Variants in FAM168A observed in about 807,000 individuals in gnomAD.
FAM168A encodes family with sequence similarity 168 member A, also known as protein FAM168A.
Under a neutral mutation model 28.5 loss-of-function variants are expected in FAM168A, and 3 were observed. The observed-to-expected ratio is 0.11, with a 90% confidence interval of 0.05 to 0.27. The LOEUF is 0.27. Ranked by LOEUF, FAM168A falls within the 10% of genes least tolerant of loss-of-function variation. The probability of loss-of-function intolerance (pLI) is 1.00; values close to 1 mark genes in which losing one functional copy is unlikely to be tolerated. For missense variants in FAM168A, 222 were observed against 311.5 expected (o/e 0.71, Z 2.16); for synonymous variants, 122 against 124.2 (o/e 0.98, Z 0.12).
chr11:73,517,104 C>A (rs1386725632), intron 1 of FAM168A, among the ~76,000 whole-genome samples: 4 of 152,194 alleles, frequency 2.6e-5, no homozygotes, highest in Non-Finnish European at 5.9e-5. Context: ...TACATACTTG[C>A]AGTGGCACAA....
chr11:73,596,000 A>G (rs1225555864), intron 1 of FAM168A, among the ~76,000 whole-genome samples: 1 of 152,180 alleles, frequency 6.6e-6, no homozygotes, highest in Non-Finnish European at 1.5e-5. Flanking sequence ...CGGTGGTGCC[A>G]AGACTCATCT....
chr11:73,425,019 T>C, intron 3 of FAM168A: 3 of 1,527,914 alleles, frequency 2.0e-6, no homozygotes, highest in Non-Finnish European at 2.6e-6. Context: ...ATAGCTTTCC[T>C]ACCATAAGCT....
At chr11:73,553,617 C>T (rs1565295794) in intron 1 of FAM168A, among the ~76,000 whole-genome samples, 1 of 152,106 alleles carries the variant, frequency 6.6e-6, no homozygotes, top group Non-Finnish European at 1.5e-5. Flanking sequence ...GTCACTCTTT[C>T]ATTTAACAAA....
At chr11:73,498,672 C>T (rs1854942434) in intron 1 of FAM168A, among the ~76,000 whole-genome samples, 1 of 152,178 alleles carries the variant, frequency 6.6e-6, no homozygotes. Flanking sequence ...CTGTGTTTTT[C>T]CCCTGCTGGA....
intron 2 of FAM168A, among the ~76,000 whole-genome samples, chr11:73,434,809 A>G (rs375941364): frequency 2.0e-5 from 3 of 152,358 alleles, no homozygotes; most frequent in African/African-American, 7.2e-5. Context: ...AAGCGGGTAG[A>G]GAAGCATAGC....
chr11:73,447,808 C>G (rs1039188423), intron 2 of FAM168A, among the ~76,000 whole-genome samples: 6 of 151,988 alleles, frequency 3.9e-5, no homozygotes, highest in Non-Finnish European at 7.4e-5. Context: ...CATCAGCTAA[C>G]TACCATTTCC....
intron 2 of FAM168A, among the ~76,000 whole-genome samples, chr11:73,459,888 T>TC (rs1867612901): frequency 6.8e-6 from 1 of 146,860 alleles, no homozygotes; most frequent in East Asian, 2.0e-4. Context: ...AATTTTTTTT[T>TC]TTTTTTTTTT....
At chr11:73,512,854 G>A (rs531596615) in intron 1 of FAM168A, among the ~76,000 whole-genome samples, 13 of 152,286 alleles carry the variant, frequency 8.5e-5, no homozygotes, top group African/African-American at 3.1e-4. Flanking sequence ...AATTGCAGAT[G>A]TTCAATAATA....
chr11:73,572,776 A>C (rs1302291682), intron 1 of FAM168A, among the ~76,000 whole-genome samples: 1 of 151,568 alleles, frequency 6.6e-6, no homozygotes, highest in Non-Finnish European at 1.5e-5. Flanking sequence ...AAAACCAGAG[A>C]CCTTTGTTCA....
intron 1 of FAM168A, among the ~76,000 whole-genome samples, chr11:73,483,343 A>G (rs7119632): frequency 0.021 from 3,127 of 152,230 alleles, 116 homozygotes; most frequent in African/African-American, 0.071. Context: ...GTAATTACTG[A>G]GCCTAAAACG....
chr11:73,581,347 T>C (rs1466773889), intron 1 of FAM168A, among the ~76,000 whole-genome samples: 1 of 152,238 alleles, frequency 6.6e-6, no homozygotes, highest in Non-Finnish European at 1.5e-5. Context: ...AAACAGAATA[T>C]AATACTTGTA....
At chr11:73,477,062 C>G (rs1471582368) in intron 1 of FAM168A, among the ~76,000 whole-genome samples, 1 of 152,056 alleles carries the variant, frequency 6.6e-6, no homozygotes, top group East Asian at 1.9e-4. Flanking sequence ...ATGTTCTCTG[C>G]AGCAACATGG....
intron 1 of FAM168A, among the ~76,000 whole-genome samples, chr11:73,473,620 C>T (rs1331684311): frequency 6.6e-6 from 1 of 152,166 alleles, no homozygotes; most frequent in Non-Finnish European, 1.5e-5. Flanking sequence ...ACCATGCATG[C>T]TTGTGCCTCT....
At chr11:73,515,508 C>CAAAAAAA (rs61655633) in intron 1 of FAM168A, among the ~76,000 whole-genome samples, 6 of 66,496 alleles carry the variant, frequency 9.0e-5, no homozygotes, top group African/African-American at 2.3e-4. Context: ...AACTCTGTCT[C>CAAAAAAA]AAAAAAAAAA....
chr11:73,433,629 C>T (rs932666142), intron 2 of FAM168A, among the ~76,000 whole-genome samples: 3 of 152,066 alleles, frequency 2.0e-5, no homozygotes, highest in South Asian at 2.1e-4. Flanking sequence ...AACAATTCCT[C>T]ATGTAATTAC....
chr11:73,581,014 G>A lies in FAM168A; in HGVS notation c.-19+16909C>T, dbSNP rs558228378. 5.3e-5 allele frequency among the ~76,000 whole-genome samples: 8 copies of A among 152,314 alleles called. No homozygotes were observed. In the East Asian group the frequency reaches 1.5e-3, roughly 29 times the overall value. On this transcript the variant is annotated intron_variant, in intron 1 of 7. Transcript: ENST00000356467. ...CACCTGTCAAAAGAGCAGTGGTTCC[G>A]TTTCTAGATTGTGGATCTTCAGGTA... is the stretch of plus-strand genomic sequence containing the variant.
rs569039632 is a variant in FAM168A, at chr11:73,497,073, G to A, written c.-18-28581C>T. ...AAAGTCCAAATTTGATTTCTGCATC[G>A]AAAGCCCTGCGTGATCCCATCCCTT... On this transcript the variant is annotated intron_variant, in intron 1 of 7. Transcript: ENST00000356467. 1.8e-3 allele frequency among the ~76,000 whole-genome samples: 274 copies of A among 152,150 alleles called. 1 individual carries two copies. The highest frequency in any genetic ancestry group is 6.3e-3 in the African/African-American group (261 of 41,518).
rs1943469635 is a variant in FAM168A at position 73,528,182 on chromosome 11, A to G, written c.-18-59690T>C. Among the ~76,000 whole-genome samples, 5 of 152,336 alleles carry G rather than the reference A, an allele frequency of 3.3e-5. No homozygotes were observed. In the South Asian group the frequency reaches 1.0e-3, roughly 32 times the overall value. On this transcript the variant is annotated intron_variant, in intron 1 of 7. Coordinates refer to ENST00000356467, the MANE Select transcript of FAM168A (RefSeq NM_015159.3). ...ACAGAATCTCTCCCAGGCCATGTGC[A>G]ATACTCTTGTCAGAGGCGTTCGAAC...
At chr11:73,507,281 T>C (rs1351923416) in intron 1 of FAM168A, among the ~76,000 whole-genome samples, 1 of 152,218 alleles carries the variant, frequency 6.6e-6, no homozygotes, top group Non-Finnish European at 1.5e-5. Context: ...AGTAAGACCA[T>C]TTTATAATTT....
Sources: gnomAD v4.1 joint callset for allele counts (sites outside exome capture counted in the v4.1 genomes callset) on GRCh38, gnomAD v4.1.1 for gene constraint, MANE v1.5 for transcripts, NCBI Gene and HGNC (gene_info 2026-07-23, HGNC 2026-07-21) for gene names.